Variants in FNBP4 observed in about 807,000 individuals in gnomAD.
The protein encoded by FNBP4 is formin-binding protein 4.
FNBP4 carries 34 observed loss-of-function variants against 119.3 expected under a neutral mutation model. That is an observed-to-expected ratio of 0.28 (90% CI 0.22 to 0.38). FNBP4 has a LOEUF of 0.38. Among genes scored for constraint, FNBP4 ranks in the 10% least tolerant of loss-of-function variants. The pLI is 1.00. For synonymous variants in FNBP4, 462 were observed against 430.6 expected, an observed-to-expected ratio of 1.07 and a Z score of -0.90; for missense variants, 1,112 against 1,228.9, an observed-to-expected ratio of 0.90 and a Z score of 1.42.
chr11:47,736,273 C>T (rs1432656596), intron 9 of FNBP4, among the ~76,000 whole-genome samples: 3 of 139,912 alleles, frequency 2.1e-5, no homozygotes, highest in South Asian at 2.3e-4. Context: ...AAAAATTTGG[C>T]GGGCCGGGCG....
rs1290125634 is a variant in FNBP4, at chr11:47,736,725, T to A, written c.1472A>T (p.Asn491Ile). ...ENGETAIGAE[N>I]SEKIDENSDK... ...TGAATTCTCATCTATTTTTTCTGAA[T>A]TTTCAGCACCAATTGCTGTAAAAAA... The change falls in exon 9 of 17, where the codon AAT (asparagine) becomes ATT (isoleucine). Residue 491 changes from asparagine (N) to isoleucine (I), a missense_variant. Around this residue, in one of 2 missense-constraint regions of FNBP4, gnomAD observed 826 missense variants for 988.8 expected, o/e 0.84. Transcript: ENST00000263773. 1 of 1,600,490 alleles carries A rather than the reference T, an allele frequency of 6.2e-7. No individual in the cohort carries two copies. Among genetic ancestry groups the A allele is most frequent in the Admixed American group, 1.7e-5 (1 of 59,092 alleles).
intron 8 of FNBP4, among the ~76,000 whole-genome samples, chr11:47,740,014 G>T (rs1359054943): frequency 6.6e-6 from 1 of 151,824 alleles, no homozygotes; most frequent in Non-Finnish European, 1.5e-5. Context: ...TGGTCAGGCT[G>T]GTCTCGAACT....
At chr11:47,759,546 C>T (rs1456543895) in intron 2 of FNBP4, among the ~76,000 whole-genome samples, 1 of 152,014 alleles carries the variant, frequency 6.6e-6, no homozygotes, top group Non-Finnish European at 1.5e-5. Flanking sequence ...AAAATGTATT[C>T]AGCTTTATAA....
chr11:47,746,123 G>T lies in FNBP4; in HGVS notation c.1178C>A (p.Ser393Tyr), dbSNP rs1565148628. The change falls in exon 7 of 17, where the codon TCT becomes TAT. Residue 393 changes from serine (S) to tyrosine (Y), a missense_variant. By Grantham distance (144) the Ser-to-Tyr change is moderately radical. Coordinates refer to ENST00000263773, the MANE Select transcript of FNBP4 (RefSeq NM_015308.5). ...SQEDLCSVVQ[S>Y]GESEEEEEQD... is the part of the protein sequence containing the mutation. ...TTCCTCTTCCTCCTCACTTTCTCCA[G>T]ATTGGACAACACTGCAAAGATCCTC... is the stretch of plus-strand genomic sequence containing the variant. 6.2e-7 allele frequency: 1 copy of T among 1,613,590 alleles called. No homozygotes were observed. The highest frequency in any genetic ancestry group is 8.5e-7 in the Non-Finnish European group (1 of 1,179,942).
At chr11:47,741,803 A>G (rs1344782462) in intron 8 of FNBP4, among the ~76,000 whole-genome samples, 1 of 128,502 alleles carries the variant, frequency 7.8e-6, no homozygotes, top group Non-Finnish European at 1.6e-5. Flanking sequence ...CGACAGAGTA[A>G]GACTCCGTCT....
chr11:47,719,032 A>G (rs572227181), intron 16 of FNBP4, among the ~76,000 whole-genome samples: 5 of 151,790 alleles, frequency 3.3e-5, no homozygotes, highest in Non-Finnish European at 7.4e-5. Flanking sequence ...CAGCGATTAC[A>G]GGCATTCGCC....
chr11:47,741,199 T>TTGC (rs1272818880), intron 8 of FNBP4, among the ~76,000 whole-genome samples: 1 of 151,540 alleles, frequency 6.6e-6, no homozygotes, highest in African/African-American at 2.4e-5. Flanking sequence ...AGGCAGGGTC[T>TTGC]TGCTCTGTCA....
At position 47,731,923 on chromosome 11, in the gene FNBP4, C is replaced by G. The variant is rs1219955144; in HGVS notation, c.1821-362G>C. ...CTAATTTCCCTTCCAAAGAAGAGAA[C>G]AACGAAGTTTGTGAAAGGTGACTCT... is the stretch of plus-strand genomic sequence containing the variant. On this transcript the variant is annotated intron_variant, in intron 11 of 16. Coordinates refer to ENST00000263773, the MANE Select transcript of FNBP4 (RefSeq NM_015308.5). 8.9e-6 allele frequency: 9 copies of G among 1,007,402 alleles called. No individual in the cohort carries two copies. The Admixed American group carries it at 5.2e-4, about 59-fold the overall frequency. 62.4% of individuals were successfully genotyped at this position (1,007,402 alleles called of 1,614,324 possible).
rs1322791121 is a variant in FNBP4 at position 47,746,292 on chromosome 11, C to T, written c.1009G>A (p.Glu337Lys). 1 of 1,614,146 alleles carries T rather than the reference C, an allele frequency of 6.2e-7. No homozygotes were observed. The highest frequency in any genetic ancestry group is 8.5e-7 in the Non-Finnish European group (1 of 1,180,022). Residue 337 changes from glutamate to lysine, a missense_variant, in exon 7 of 17, where the codon GAA becomes AAA. Physicochemically the swap from Glu to Lys is moderately conservative, Grantham distance 56 (BLOSUM62 1). Around this residue, in one of 2 missense-constraint regions of FNBP4, gnomAD observed 826 missense variants for 988.8 expected, o/e 0.84. Coordinates refer to ENST00000263773, the MANE Select transcript of FNBP4 (RefSeq NM_015308.5). ...APLLPEGIKE[E>K]EERWRRKVIC... is the part of the protein sequence containing the mutation. Reference sequence around the variant, plus strand: ...ACTTTTCTTCTCCATCTCTCTTCTTCTTCTTTTATTCCCTCAGGCAATAAA... The same window carrying T: ...ACTTTTCTTCTCCATCTCTCTTCTTTTTCTTTTATTCCCTCAGGCAATAAA...
intron 12 of FNBP4, chr11:47,730,171 C>G: frequency 1.0e-6 from 1 of 985,336 alleles, no homozygotes; most frequent in Non-Finnish European, 1.2e-6. Context: ...TACGATCAAG[C>G]CTCTTCAGTT....
chr11:47,733,747 T>G (rs534135005), intron 10 of FNBP4, among the ~76,000 whole-genome samples: 124 of 152,284 alleles, frequency 8.1e-4, no homozygotes, highest in African/African-American at 2.9e-3. Context: ...CTTTTCTCTT[T>G]AAACAGACTT....
chr11:47,735,094 G>C (rs1230451733), intron 9 of FNBP4, among the ~76,000 whole-genome samples: 1 of 148,396 alleles, frequency 6.7e-6, no homozygotes, highest in African/African-American at 2.5e-5. Flanking sequence ...ACAAACACAA[G>C]ACAACTCTCC....
intron 13 of FNBP4, 60 bp from the exon 14 acceptor site, chr11:47,724,232 C>T (rs2097558680): frequency 6.3e-7 from 1 of 1,587,880 alleles, no homozygotes; most frequent in Non-Finnish European, 8.6e-7. Flanking sequence ...AGCCCGCTCC[C>T]ACCTCCTTTT....
rs774837010 is a variant in FNBP4, at chr11:47,746,167, A to G, written c.1134T>C (p.Asn378=). 4 of 1,614,018 alleles carry G rather than the reference A, an allele frequency of 2.5e-6. No individual in the cohort carries two copies. The highest frequency in any genetic ancestry group is 3.4e-6 in the Non-Finnish European group (4 of 1,180,006). ...IVKPQEIMLD[N]IEDPSQEDLC... is the part of the protein sequence containing the mutation. ...GATCCTCCTGAGAAGGGTCTTCTAT[A>G]TTGTCCAACATAATTTCCTGTGGCT... The change falls in exon 7 of 17, where the codon AAT becomes AAC. Residue 378 remains asparagine, a synonymous_variant. Coordinates refer to ENST00000263773, the MANE Select transcript of FNBP4 (RefSeq NM_015308.5).
intron 12 of FNBP4, chr11:47,730,150 C>CTA: frequency 1.0e-6 from 1 of 985,382 alleles, no homozygotes; most frequent in Non-Finnish European, 1.2e-6. Context: ...GTGGAGCCAC[C>CTA]TATCCAGAAC....
At chr11:47,763,342 G>C (rs1165629667) in intron 2 of FNBP4, among the ~76,000 whole-genome samples, 1 of 151,432 alleles carries the variant, frequency 6.6e-6, no homozygotes, top group Non-Finnish European at 1.5e-5. Context: ...CTGCTCAGGA[G>C]GGTGAGGTAG....
At chr11:47,751,100 T>G in intron 5 of FNBP4, 43 bp downstream of exon 5, 1 of 1,613,098 alleles carries the variant, frequency 6.2e-7, no homozygotes, top group Non-Finnish European at 8.5e-7. Context: ...AGATAAGGCT[T>G]CAATTTCCTT....
chr11:47,756,872 A>G (rs967527487), intron 2 of FNBP4, among the ~76,000 whole-genome samples: 4 of 152,016 alleles, frequency 2.6e-5, no homozygotes, highest in African/African-American at 9.7e-5. Flanking sequence ...AAGGACATGA[A>G]CTCATCCTTT....
chr11:47,749,560 A>T (rs773502120), intron 6 of FNBP4, among the ~76,000 whole-genome samples: 7 of 152,198 alleles, frequency 4.6e-5, no homozygotes, highest in Non-Finnish European at 1.0e-4. Flanking sequence ...TGTCTCAAAA[A>T]GAAAAAAATT....
Sources: gnomAD v4.1 joint callset for allele counts (sites outside exome capture counted in the v4.1 genomes callset) on GRCh38, gnomAD v4.1.1 for gene constraint, gnomAD v4.1.1 regional missense constraint, MANE v1.5 for transcripts, NCBI Gene and HGNC (gene_info 2026-07-23, HGNC 2026-07-21) for gene names.